TRAK1: variants seen among roughly 807,000 people sequenced by gnomAD.
TRAK1 encodes trafficking kinesin-binding protein 1.
A neutral mutation model predicts 92.1 loss-of-function variants in TRAK1; 33 were observed. That is an observed-to-expected ratio of 0.36 (90% confidence interval 0.27 to 0.48). The LOEUF is 0.48. Among genes scored for constraint, TRAK1 ranks in the 20% least tolerant of loss-of-function variants. The pLI is 0.99. For missense variants in TRAK1, 1,123 were observed against 1,257.9 expected (o/e 0.89, Z 1.62); for synonymous variants, 521 against 517.3 (o/e 1.01, Z -0.10).
At chr3:42,217,447 A>C (rs1262428125) in intron 14 of TRAK1, 1 of 985,268 alleles carries the variant, frequency 1.0e-6, no homozygotes, top group African/African-American at 1.7e-5. Flanking sequence ...TCCTATCCCC[A>C]AAACCCATTT....
At chr3:42,073,778 C>T (rs544948363) in intron 1 of TRAK1, among the ~76,000 whole-genome samples, 11 of 152,276 alleles carry the variant, frequency 7.2e-5, no homozygotes, top group East Asian at 1.9e-4. Flanking sequence ...GGAGCTGACC[C>T]GGACTGATGG....
intron 2 of TRAK1, chr3:42,149,706 G>T: frequency 7.1e-7 from 1 of 1,411,562 alleles, no homozygotes; most frequent in Non-Finnish European, 9.6e-7. Flanking sequence ...CTGGCGGGTG[G>T]GAGGTACCAG....
intron 5 of TRAK1, among the ~76,000 whole-genome samples, chr3:42,188,677 A>G (rs934503197): frequency 3.3e-5 from 5 of 152,270 alleles, no homozygotes; most frequent in Non-Finnish European, 5.9e-5. Flanking sequence ...CTTAGGTCAC[A>G]GAGTTATAAG....
rs776990315 is a variant in TRAK1 at position 42,223,980 on chromosome 3, C to A, written c.*243C>A. On this transcript the variant is annotated 3_prime_UTR_variant, in exon 16 of 16. Coordinates refer to ENST00000327628, the MANE Select transcript of TRAK1 (RefSeq NM_001042646.3). This position sits in a 1 kb window ranked among gnomAD's most constrained non-coding sequence, Gnocchi z 6.1. ...TCTTCCGATCCCACAGGAAGTGCCC[C>A]TGCACTGTCATCACTCTCACGAGGA... 2.6e-5 allele frequency: 17 copies of A among 646,224 alleles called. No homozygotes were observed. The highest frequency in any genetic ancestry group is 5.0e-4 in the Middle Eastern group (2 of 4,016). The allele number at this position is 646,224 out of a possible 1,614,324, so 40.0% of individuals were successfully genotyped here.
At chr3:42,017,444 TAGAC>T (rs1056583656) in intron 1 of TRAK1, among the ~76,000 whole-genome samples, 62 of 152,316 alleles carry the variant, frequency 4.1e-4, no homozygotes, top group African/African-American at 1.4e-3. Context: ...ACACTGTTGT[TAGAC>T]AGAGATACAC....
intron 14 of TRAK1, among the ~76,000 whole-genome samples, chr3:42,216,193 A>G (rs1464878852): frequency 2.0e-5 from 3 of 152,278 alleles, no homozygotes; most frequent in African/African-American, 4.8e-5. Flanking sequence ...GCACTGGGCC[A>G]TGGGAAGCAG....
chr3:42,033,287 A>G (rs1261932908), intron 1 of TRAK1, among the ~76,000 whole-genome samples: 2 of 152,132 alleles, frequency 1.3e-5, no homozygotes, highest in Admixed American at 6.5e-5. Context: ...AAATAATGCA[A>G]TCTATGCTGT....
At chr3:42,145,053 G>GCTTA (rs1699159592) in intron 2 of TRAK1, among the ~76,000 whole-genome samples, 1 of 152,090 alleles carries the variant, frequency 6.6e-6, no homozygotes, top group Non-Finnish European at 1.5e-5. Context: ...AAAAAGTCTT[G>GCTTA]CAGTCTGTAA....
intron 2 of TRAK1, among the ~76,000 whole-genome samples, chr3:42,157,971 C>G (rs1051497639): frequency 9.2e-5 from 14 of 152,098 alleles, no homozygotes; most frequent in Admixed American, 7.2e-4. Flanking sequence ...CTGTGTACCC[C>G]CCAAAAACAA....
chr3:42,221,316 C>G (rs1175158915), intron 15 of TRAK1, among the ~76,000 whole-genome samples: 2 of 152,016 alleles, frequency 1.3e-5, no homozygotes, highest in African/African-American at 4.8e-5. Context: ...GGTTTCTAAT[C>G]ATGCTTTTCC....
At chr3:42,059,846 A>G (rs1703352450) in intron 1 of TRAK1, among the ~76,000 whole-genome samples, 1 of 152,174 alleles carries the variant, frequency 6.6e-6, no homozygotes, top group Non-Finnish European at 1.5e-5. Flanking sequence ...AGTGGGCATA[A>G]TAACGCCTGC....
In TRAK1 at chr3:42,222,843, C is replaced by T. The variant is rs553157523; in HGVS notation, c.2067-99C>T. The T allele has an allele frequency of 2.3e-6, 3 of 1,315,358 alleles. No individual in the cohort carries two copies. In the African/African-American group the frequency reaches 4.4e-5, roughly 19 times the overall value. 81.5% of individuals were successfully genotyped at this position (1,315,358 alleles called of 1,614,324 possible). On this transcript the variant is annotated intron_variant, in intron 15 of 15. Transcript: ENST00000327628. ...GCTGGTGGAACCCTCTCATCGTGTC[C>T]TGGGTCGTCCCTACCCCCCCTGCAG...
At chr3:42,129,249 G>A (rs537842746) in intron 2 of TRAK1, among the ~76,000 whole-genome samples, 8 of 152,220 alleles carry the variant, frequency 5.3e-5, no homozygotes, top group East Asian at 1.9e-4. Context: ...GTTTTGAGGC[G>A]TGTGAGAAGA....
chr3:42,183,956 T>C (rs1478929676), intron 3 of TRAK1, among the ~76,000 whole-genome samples: 1 of 152,174 alleles, frequency 6.6e-6, no homozygotes, highest in African/African-American at 2.4e-5. Context: ...CTCTGCCTAA[T>C]TGATGCCATC....
At chr3:42,149,135 C>G in intron 2 of TRAK1, 1 of 958,428 alleles carries the variant, frequency 1.0e-6, no homozygotes, top group Non-Finnish European at 1.2e-6. Context: ...GAAAGATGAG[C>G]GGCGAGCAGG....
chr3:42,059,836 A>G (rs572024948), intron 1 of TRAK1, among the ~76,000 whole-genome samples: 7 of 152,254 alleles, frequency 4.6e-5, no homozygotes, highest in African/African-American at 1.7e-4. Flanking sequence ...TCCTCTGTGC[A>G]GTGGGCATAA....
At chr3:42,104,190 C>A (rs1707204630) in intron 1 of TRAK1, among the ~76,000 whole-genome samples, 1 of 152,134 alleles carries the variant, frequency 6.6e-6, no homozygotes, top group Non-Finnish European at 1.5e-5. Context: ...CTGGGTGGAG[C>A]CCACTGCAGC....
intron 1 of TRAK1, among the ~76,000 whole-genome samples, chr3:42,048,863 C>A (rs1403360414): frequency 6.6e-6 from 1 of 151,848 alleles, no homozygotes; most frequent in Admixed American, 6.6e-5. Flanking sequence ...CTGTGCCTGG[C>A]CTGCCTCTGT....
chr3:42,209,825 G>A lies in TRAK1; in HGVS notation c.1803G>A (p.Leu601=). The change falls in exon 14 of 16, where the codon CTG becomes CTA. Residue 601 remains leucine (L), a synonymous_variant. Transcript: ENST00000327628. ...QLAQPHLGGI[L]DPRPGVVTKG... ...CCCAACCTCACCTTGGGGGCATCCT[G>A]GACCCCCGGCCCGGTGTGGTCACCA... 6.2e-7 allele frequency: 1 copy of A among 1,614,196 alleles called. No homozygotes were observed. The highest frequency in any genetic ancestry group is 2.2e-5 in the East Asian group (1 of 44,878).
Sources: gnomAD v4.1 joint callset for allele counts (sites outside exome capture counted in the v4.1 genomes callset) on GRCh38, gnomAD v4.1.1 for gene constraint, Gnocchi (gnomAD v3.1) non-coding constraint, MANE v1.5 for transcripts, NCBI Gene and HGNC (gene_info 2026-07-23, HGNC 2026-07-21) for gene names.